Variants in MMRN1 observed in about 807,000 individuals in gnomAD.
MMRN1 encodes the protein multimerin-1.
Under a neutral mutation model 100.7 loss-of-function variants are expected in MMRN1, and 94 were observed. That is an observed-to-expected ratio of 0.93 (90% confidence interval 0.79 to 1.11). The LOEUF (loss-of-function observed/expected upper bound fraction) is 1.11, where lower values mean the gene tolerates loss of function less well. MMRN1 is among the 50% of genes least tolerant of loss of function. The pLI, the probability that MMRN1 is intolerant of heterozygous loss-of-function variation, is 0.00. For missense variants in MMRN1, 1,606 were observed against 1,439.1 expected (o/e 1.12, Z -1.88); for synonymous variants, 575 against 505.0 (o/e 1.14, Z -1.86).
intron 3 of MMRN1, among the ~76,000 whole-genome samples, chr4:89,922,174 G>A (rs1161902090): frequency 4.6e-5 from 7 of 151,956 alleles, no homozygotes; most frequent in African/African-American, 9.7e-5. Context: ...ATGCCATCTC[G>A]GCTCACTGCA....
intron 1 of MMRN1, among the ~76,000 whole-genome samples, chr4:89,882,097 C>T (rs556214774): frequency 2.0e-5 from 3 of 151,720 alleles, no homozygotes; most frequent in East Asian, 1.9e-4. Context: ...AATGACCATA[C>T]GTCTTTAATT....
chr4:89,886,300 C>T (rs752094613), intron 1 of MMRN1, among the ~76,000 whole-genome samples: 2 of 152,050 alleles, frequency 1.3e-5, no homozygotes, highest in African/African-American at 4.8e-5. Context: ...GTTATTGCTG[C>T]TTTGACTGAG....
chr4:89,920,050 A>G lies in MMRN1; in HGVS notation c.851-3118A>G, dbSNP rs569929988. Among the ~76,000 whole-genome samples, 6 of 152,276 alleles carry G rather than the reference A, an allele frequency of 3.9e-5. No individual in the cohort carries two copies. In the South Asian group the frequency reaches 6.2e-4, roughly 16 times the overall value. Reference sequence around the variant, plus strand: ...AAAAATAGTTTTCAGATGTTGCCACAGTAGGAATTCCATTCATCACATATC... The same window carrying G: ...AAAAATAGTTTTCAGATGTTGCCACGGTAGGAATTCCATTCATCACATATC... On this transcript the variant is annotated intron_variant, in intron 3 of 7. Transcript: ENST00000264790.
At chr4:89,938,842 T>G (rs1187041352) in intron 6 of MMRN1, among the ~76,000 whole-genome samples, 3 of 152,104 alleles carry the variant, frequency 2.0e-5, no homozygotes, top group Non-Finnish European at 4.4e-5. Context: ...CTTTATTTTA[T>G]TTAAGCAAAG....
chr4:89,942,369 T>G (rs983508979), intron 6 of MMRN1, among the ~76,000 whole-genome samples: 1 of 152,214 alleles, frequency 6.6e-6, no homozygotes, highest in African/African-American at 2.4e-5. Flanking sequence ...TTTTGTAACT[T>G]ATTGATTATC....
At chr4:89,921,476 C>T (rs926059420) in intron 3 of MMRN1, among the ~76,000 whole-genome samples, 1 of 152,002 alleles carries the variant, frequency 6.6e-6, no homozygotes, top group Non-Finnish European at 1.5e-5. Context: ...AAGGAGGAAT[C>T]GTGATAAAAA....
chr4:89,947,924 C>T (rs1319428870), intron 6 of MMRN1, among the ~76,000 whole-genome samples: 6 of 152,148 alleles, frequency 3.9e-5, no homozygotes, highest in African/African-American at 9.7e-5. Flanking sequence ...GTGACCCTGG[C>T]TCACTGCAAC....
In MMRN1 at chr4:89,894,943, CAT is replaced by C. The variant is rs762478320; in HGVS notation, c.-28_-27del. 1 of 1,571,424 alleles carries C rather than the reference CAT, an allele frequency of 6.4e-7. No homozygotes were observed. Among genetic ancestry groups the C allele is most frequent in the Non-Finnish European group, 8.6e-7 (1 of 1,160,492 alleles). ...ATAAGGATTTTGTCCCCAAATTTCACATGAGCTACCTTGCTTCAAACTACTGA... is the reference window on the plus strand; with the variant it reads ...ATAAGGATTTTGTCCCCAAATTTCACGAGCTACCTTGCTTCAAACTACTGA... On this transcript the variant is annotated 5_prime_UTR_variant, in exon 1 of 8. An upstream start codon of the reference 5' UTR is lost. Coordinates refer to ENST00000264790, the MANE Select transcript of MMRN1 (RefSeq NM_007351.3).
intron 2 of MMRN1, among the ~76,000 whole-genome samples, chr4:89,911,579 T>C (rs1721752372): frequency 6.6e-6 from 1 of 151,316 alleles, no homozygotes; most frequent in South Asian, 2.1e-4. Flanking sequence ...ATATAGGAAA[T>C]CATATGAATT....
In MMRN1 at chr4:89,935,507, C is replaced by T; in HGVS notation, c.1827C>T (p.Asp609=). ...ATGATTTTAAATTTCAACTTAAGGA[C>T]ACAGAAGAGAATTTACATGTGTTAA... ...CRNDFKFQLK[D]TEENLHVLNQ... Residue 609 remains aspartate (D), a synonymous_variant, in exon 6 of 8, where the codon GAC becomes GAT. Transcript: ENST00000264790. The T allele has an allele frequency of 6.2e-7, 1 of 1,613,320 alleles. No homozygotes were observed. The highest frequency in any genetic ancestry group is 2.2e-5 in the East Asian group (1 of 44,820).
chr4:89,893,305 A>G (rs78537288), upstream of MMRN1, among the ~76,000 whole-genome samples: 1,312 of 152,120 alleles, frequency 8.6e-3, 20 homozygotes, highest in African/African-American at 0.03. Flanking sequence ...CTTAGTTTAA[A>G]TAAATACTCT....
At chr4:89,941,235 T>C (rs984127662) in intron 6 of MMRN1, among the ~76,000 whole-genome samples, 7 of 152,182 alleles carry the variant, frequency 4.6e-5, no homozygotes, top group African/African-American at 1.7e-4. Context: ...CCCAAATACG[T>C]GTACGCATTT....
intron 1 of MMRN1, among the ~76,000 whole-genome samples, chr4:89,904,743 C>T (rs1401054483): frequency 6.6e-6 from 1 of 151,564 alleles, no homozygotes. Context: ...ATTTTAATGA[C>T]GTTCTCAAAT....
chr4:89,916,196 T>C (rs1721910645), intron 3 of MMRN1, among the ~76,000 whole-genome samples: 1 of 151,514 alleles, frequency 6.6e-6, no homozygotes, highest in African/African-American at 2.4e-5. Context: ...CATAAACTAT[T>C]GAATTTGTAA....
At chr4:89,949,247 C>CA (rs1169552267) in intron 6 of MMRN1, among the ~76,000 whole-genome samples, 1 of 152,156 alleles carries the variant, frequency 6.6e-6, no homozygotes, top group African/African-American at 2.4e-5. Flanking sequence ...GATTCATGAA[C>CA]AGGGCCAAGG....
At chr4:89,911,908 A>G in intron 2 of MMRN1, 36 bp from the exon 3 acceptor site, 1 of 1,383,482 alleles carries the variant, frequency 7.2e-7, no homozygotes, top group Non-Finnish European at 1.0e-6. Context: ...ATGTGAAACA[A>G]ATAATCGATT....
intron 1 of MMRN1, among the ~76,000 whole-genome samples, chr4:89,905,308 G>A (rs888070939): frequency 6.6e-6 from 1 of 151,494 alleles, no homozygotes; most frequent in African/African-American, 2.4e-5. Context: ...TTATAATTAA[G>A]ATGATAGTAT....
At chr4:89,924,111 C>G (rs535572054) in intron 4 of MMRN1, among the ~76,000 whole-genome samples, 2 of 152,090 alleles carry the variant, frequency 1.3e-5, no homozygotes, top group African/African-American at 4.8e-5. Context: ...CTTTGATTAA[C>G]GAATACCTCA....
chr4:89,934,850 A>G lies in MMRN1; in HGVS notation c.1170A>G (p.Ile390Met). Residue 390 changes from isoleucine (I) to methionine (M), a missense_variant, in exon 6 of 8, where the codon ATA (isoleucine) becomes ATG (methionine). By Grantham distance (10) the Ile-to-Met change is conservative (BLOSUM62 1). Transcript: ENST00000264790. The stretch of plus-strand genomic sequence containing the variant: ...GCATTAATGTACTGATAAGAGACAT[A>G]GTAAGAGAACAATTTAAAATTTTTC... ...SKSINVLIRD[I>M]VREQFKIFQN... 3.2e-6 allele frequency: 5 copies of G among 1,569,872 alleles called. No individual in the cohort carries two copies. Among genetic ancestry groups the G allele is most frequent in the Non-Finnish European group, 4.3e-6 (5 of 1,160,204 alleles).
Sources: allele counts gnomAD v4.1 joint callset (sites outside exome capture counted in the v4.1 genomes callset), GRCh38; gene constraint gnomAD v4.1.1; transcripts MANE v1.5; gene names NCBI Gene and HGNC (gene_info 2026-07-23, HGNC 2026-07-21).